Variants in ROBO2 observed in about 807,000 individuals in gnomAD.
The protein encoded by ROBO2 is roundabout homolog 2.
A neutral mutation model predicts 160.8 loss-of-function variants in ROBO2; 53 were observed. The ratio of observed to expected loss-of-function variants is 0.33; its 90% CI spans 0.26 to 0.41. The LOEUF (loss-of-function observed/expected upper bound fraction) is 0.41. Among genes scored for constraint, ROBO2 ranks in the 10% least tolerant of loss-of-function variants. ROBO2 has a pLI of 1.00. For missense variants in ROBO2, 1,577 were observed against 1,722.4 expected (o/e 0.92, Z 1.49); for synonymous variants, 664 against 611.7 (o/e 1.09, Z -1.26).
intron 2 of ROBO2, among the ~76,000 whole-genome samples, chr3:76,397,188 A>T (rs893728165): frequency 6.6e-6 from 1 of 152,188 alleles, no homozygotes; most frequent in Non-Finnish European, 1.5e-5. Flanking sequence ...CAACTATCTG[A>T]TCTTTGACAA....
At chr3:76,946,382 A>G (rs2078542216) in intron 2 of ROBO2, among the ~76,000 whole-genome samples, 2 of 152,104 alleles carry the variant, frequency 1.3e-5, no homozygotes, top group Non-Finnish European at 2.9e-5. Context: ...GACCCTGTGT[A>G]GGGCTCCCAG....
chr3:77,216,556 C>T (rs1055915425), intron 2 of ROBO2, among the ~76,000 whole-genome samples: 3 of 152,198 alleles, frequency 2.0e-5, no homozygotes, highest in African/African-American at 4.8e-5. Context: ...TGCTTCAGCT[C>T]ATGCTCAGTG....
At chr3:76,249,219 A>T (rs190274325) in intron 2 of ROBO2, among the ~76,000 whole-genome samples, 6 of 152,138 alleles carry the variant, frequency 3.9e-5, no homozygotes, top group Non-Finnish European at 7.4e-5. Context: ...GTAGTAAGAA[A>T]GAACATCACC....
At chr3:76,599,145 T>C (rs1352668049) in intron 2 of ROBO2, among the ~76,000 whole-genome samples, 2 of 152,158 alleles carry the variant, frequency 1.3e-5, no homozygotes, top group East Asian at 1.9e-4. Flanking sequence ...TCACAGGGCA[T>C]TGATGTACAG....
chr3:76,071,475 T>G (rs2068451567), intron 2 of ROBO2, among the ~76,000 whole-genome samples: 2 of 152,160 alleles, frequency 1.3e-5, no homozygotes, highest in Admixed American at 1.3e-4. Context: ...TTATCTGGCT[T>G]TATGTTACAT....
In ROBO2 at chr3:77,481,116, G is replaced by C. The variant is rs1026801097; in HGVS notation, c.564G>C (p.Leu188=). 3.7e-6 allele frequency: 6 copies of C among 1,612,320 alleles called. No homozygotes were observed. In the Admixed American group the frequency reaches 8.3e-5, roughly 22 times the overall value. ...TTTAACAGATCCGTGGTGGAAAACT[G>C]ATGATCTCCAATACCAGGAAAAGTG... The change falls in exon 4 of 26, where the codon CTG becomes CTC. Residue 188 remains leucine (L), a synonymous_variant. Coordinates refer to ENST00000461745, the Ensembl canonical transcript of ROBO2.
chr3:77,236,820 T>C (rs1199332344), intron 2 of ROBO2, among the ~76,000 whole-genome samples: 1 of 152,216 alleles, frequency 6.6e-6, no homozygotes, highest in Non-Finnish European at 1.5e-5. Flanking sequence ...TCAGATTGAC[T>C]TCTTCAGTAA....
chr3:77,547,317 T>G (rs2153650147), intron 7 of ROBO2, among the ~76,000 whole-genome samples: 1 of 152,210 alleles, frequency 6.6e-6, no homozygotes, highest in Admixed American at 6.6e-5. Context: ...CCTTCTAAAC[T>G]TTCTAGAAAC....
intron 2 of ROBO2, among the ~76,000 whole-genome samples, chr3:77,160,170 T>C (rs1279432251): frequency 6.6e-6 from 1 of 152,156 alleles, no homozygotes; most frequent in African/African-American, 2.4e-5. Flanking sequence ...AGGGCAACTA[T>C]ACAAAACACG....
At chr3:77,118,401 G>T (rs1579128788) in intron 2 of ROBO2, among the ~76,000 whole-genome samples, 1 of 152,144 alleles carries the variant, frequency 6.6e-6, no homozygotes, top group East Asian at 1.9e-4. Flanking sequence ...GCAGTTGTAG[G>T]GAAGCCATTG....
Position 77,474,807 on chromosome 3 carries a change from G to T in ROBO2, c.389-2607G>T, listed in dbSNP as rs138336192. On this transcript the variant is annotated intron_variant, in intron 2 of 25. Transcript: ENST00000461745. ...TGGCTAACACTTTCTTGTTTTTATC[G>T]GCTACGATAAAGAGCACAGGGCAAA... Among the ~76,000 whole-genome samples the T allele has an allele frequency of 2.8e-3, 423 of 151,878 alleles. 1 individual carries two copies. The highest frequency in any genetic ancestry group is 9.9e-3 in the African/African-American group (409 of 41,394).
chr3:77,631,878 G>T (rs2095170132), intron 23 of ROBO2: 1 of 151,912 alleles, frequency 6.6e-6, no homozygotes, highest in African/African-American at 2.4e-5. Flanking sequence ...TAAATTAATA[G>T]AACTTCTTTA....
At chr3:76,686,768 G>A (rs1289514084) in intron 2 of ROBO2, among the ~76,000 whole-genome samples, 1 of 151,778 alleles carries the variant, frequency 6.6e-6, no homozygotes, top group East Asian at 1.9e-4. Context: ...ACCAGCCTTG[G>A]CAAACAAGGC....
At chr3:76,798,241 A>AAG (rs1560580250) in intron 2 of ROBO2, among the ~76,000 whole-genome samples, 8 of 131,618 alleles carry the variant, frequency 6.1e-5, no homozygotes, top group African/African-American at 2.2e-4. Context: ...AAGAAAGAAA[A>AAG]AAAGAAGAAA....
At chr3:76,395,875 C>T (rs570338811) in intron 2 of ROBO2, among the ~76,000 whole-genome samples, 1 of 152,210 alleles carries the variant, frequency 6.6e-6, no homozygotes, top group Non-Finnish European at 1.5e-5. Flanking sequence ...GGATTCACAG[C>T]CGAATTCTAC....
intron 2 of ROBO2, among the ~76,000 whole-genome samples, chr3:76,156,084 T>C (rs1022695548): frequency 6.6e-6 from 1 of 151,152 alleles, no homozygotes; most frequent in Non-Finnish European, 1.5e-5. Context: ...TTTTGACAAT[T>C]TTTTTTTTGC....
intron 2 of ROBO2, among the ~76,000 whole-genome samples, chr3:76,278,080 T>C (rs990829497): frequency 6.6e-6 from 1 of 151,908 alleles, no homozygotes; most frequent in Non-Finnish European, 1.5e-5. Context: ...TGCAATATTG[T>C]CAGGCTCTTC....
At chr3:77,506,352 A>G (rs766103272) in intron 5 of ROBO2, among the ~76,000 whole-genome samples, 2 of 152,192 alleles carry the variant, frequency 1.3e-5, no homozygotes, top group African/African-American at 2.4e-5. Context: ...TCTAAGAGAA[A>G]GTAGTGCTCA....
At chr3:77,604,165 A>G (rs1361168725) in intron 20 of ROBO2, 1 of 152,182 alleles carries the variant, frequency 6.6e-6, no homozygotes, top group Admixed American at 6.5e-5. Flanking sequence ...AATTAGCTAT[A>G]TTATAGAATC....
Sources: gnomAD v4.1 joint callset for allele counts (sites outside exome capture counted in the v4.1 genomes callset) on GRCh38, gnomAD v4.1.1 for gene constraint, MANE v1.5 for transcripts, NCBI Gene and HGNC (gene_info 2026-07-23, HGNC 2026-07-21) for gene names.